Variants in TCF4 observed in about 807,000 individuals in gnomAD.
The protein encoded by TCF4 is transcription factor 4.
A neutral mutation model predicts 82.1 loss-of-function variants in TCF4; 3 were observed. That is an observed-to-expected ratio of 0.04 (90% CI 0.02 to 0.09). The LOEUF (loss-of-function observed/expected upper bound fraction) is 0.09. TCF4 is among the 10% of genes least tolerant of loss of function. The pLI is 1.00. For synonymous variants in TCF4, 276 were observed against 309.6 expected, an observed-to-expected ratio of 0.89 and a Z score of 1.14; for missense variants, 518 against 852.7, an observed-to-expected ratio of 0.61 and a Z score of 4.89.
At chr18:55,411,793 C>A (rs1474480350) in intron 5 of TCF4, among the ~76,000 whole-genome samples, 1 of 152,122 alleles carries the variant, frequency 6.6e-6, no homozygotes. Flanking sequence ...GGCTGGAGTA[C>A]AGTGGCATGC....
At chr18:55,428,134 A>C (rs1269604142) in intron 5 of TCF4, among the ~76,000 whole-genome samples, 1 of 152,144 alleles carries the variant, frequency 6.6e-6, no homozygotes, top group Admixed American at 6.5e-5. Context: ...AGTGACCACT[A>C]AAGTGGTTAA....
At chr18:55,447,988 T>A (rs183201420) in intron 5 of TCF4, among the ~76,000 whole-genome samples, 55 of 118,350 alleles carry the variant, frequency 4.6e-4, no homozygotes, top group Middle Eastern at 0.011. Flanking sequence ...ACCCTATTGT[T>A]TTGTGGGGGG....
intron 15 of TCF4, among the ~76,000 whole-genome samples, chr18:55,236,660 G>GC (rs1327922095): frequency 4.6e-5 from 7 of 152,192 alleles, no homozygotes; most frequent in African/African-American, 1.7e-4. Flanking sequence ...TTATATTCAT[G>GC]CATTAGAAAA....
At chr18:55,398,266 C>T (rs768254640) in intron 6 of TCF4, among the ~76,000 whole-genome samples, 9 of 152,276 alleles carry the variant, frequency 5.9e-5, no homozygotes, top group East Asian at 5.8e-4. Context: ...CGAAAAATAC[C>T]GCTCAGGGAC....
chr18:55,321,431 TA>T, intron 8 of TCF4: 1 of 624,736 alleles, frequency 1.6e-6, no homozygotes. Flanking sequence ...ATCCACTCTC[TA>T]AAGCTCTGAA....
At chr18:55,265,795 A>G (rs2059037981) in intron 11 of TCF4, 1 of 152,214 alleles carries the variant, frequency 6.6e-6, no homozygotes, top group Non-Finnish European at 1.5e-5. Flanking sequence ...GTTCTAAGCC[A>G]GATTAATTCA....
At chr18:55,530,794 AC>A (rs1251942066) in intron 3 of TCF4, among the ~76,000 whole-genome samples, 1 of 152,192 alleles carries the variant, frequency 6.6e-6, no homozygotes, top group African/African-American at 2.4e-5. Flanking sequence ...AGAAATTATA[AC>A]TAATAAAAAC....
intron 3 of TCF4, among the ~76,000 whole-genome samples, chr18:55,560,229 A>T (rs988381417): frequency 3.5e-4 from 53 of 152,238 alleles, no homozygotes; most frequent in African/African-American, 1.3e-3. Flanking sequence ...ATACATGGAC[A>T]TATATGCAGT....
intron 5 of TCF4, among the ~76,000 whole-genome samples, chr18:55,449,031 G>C (rs1358594821): frequency 6.6e-6 from 1 of 152,142 alleles, no homozygotes; most frequent in African/African-American, 2.4e-5. Flanking sequence ...TGTCTATTTA[G>C]AACTGTTTTA....
At chr18:55,270,145 C>T (rs1200937733) in intron 10 of TCF4, among the ~76,000 whole-genome samples, 182 bp from the exon 11 acceptor site, 3 of 152,088 alleles carry the variant, frequency 2.0e-5, no homozygotes, top group South Asian at 2.1e-4. Context: ...ATAAGTTATA[C>T]AGAAACATAG....
intron 5 of TCF4, among the ~76,000 whole-genome samples, chr18:55,445,032 AT>A (rs2095501813): frequency 1.3e-5 from 2 of 151,988 alleles, no homozygotes; most frequent in South Asian, 4.1e-4. Context: ...CAATCTCATC[AT>A]TTCCTCTTGG....
chr18:55,377,175 T>C (rs2090973502), intron 6 of TCF4, among the ~76,000 whole-genome samples: 3 of 152,336 alleles, frequency 2.0e-5, no homozygotes, highest in South Asian at 2.1e-4. Flanking sequence ...CTTGATGAGC[T>C]TGATGAGGTA....
Position 55,516,028 on chromosome 18 carries a change from G to T in TCF4, c.146-51891C>A, listed in dbSNP as rs183058418. Among the ~76,000 whole-genome samples the T allele has an allele frequency of 1.1e-4, 17 of 152,246 alleles. No individual in the cohort carries two copies. In the East Asian group the frequency reaches 3.3e-3, roughly 29 times the overall value. Reference sequence around the variant, plus strand: ...ATAGACTTGATTAAAAAGTCAGATTGGGTTTAAAAGAAGTTTCCAGAAAAT... The same window carrying T: ...ATAGACTTGATTAAAAAGTCAGATTTGGTTTAAAAGAAGTTTCCAGAAAAT... On this transcript the variant is annotated intron_variant, in intron 3 of 19. Coordinates refer to ENST00000354452, the MANE Select transcript of TCF4 (RefSeq NM_001083962.2).
At chr18:55,453,967 G>A (rs894543341) in intron 5 of TCF4, among the ~76,000 whole-genome samples, 1 of 151,944 alleles carries the variant, frequency 6.6e-6, no homozygotes, top group Non-Finnish European at 1.5e-5. Context: ...GCCTCCAGTA[G>A]TCCTTCCACC....
At chr18:55,487,665 T>C (rs761717427) in intron 3 of TCF4, among the ~76,000 whole-genome samples, 27 of 152,172 alleles carry the variant, frequency 1.8e-4, no homozygotes, top group African/African-American at 2.4e-4. Context: ...GATTCCATTG[T>C]ATGCTTTATT....
chr18:55,425,705 T>C (rs2147053199), intron 5 of TCF4, among the ~76,000 whole-genome samples: 1 of 152,318 alleles, frequency 6.6e-6, no homozygotes, highest in East Asian at 1.9e-4. Context: ...CTCTTTCAAA[T>C]TAAATTTCCA....
intron 5 of TCF4, among the ~76,000 whole-genome samples, chr18:55,445,732 C>T (rs2095514624): frequency 6.6e-6 from 1 of 152,142 alleles, no homozygotes; most frequent in Non-Finnish European, 1.5e-5. Flanking sequence ...GACTTCAGTT[C>T]CAGTATTCCT....
At chr18:55,543,842 C>G (rs2097183936) in intron 3 of TCF4, among the ~76,000 whole-genome samples, 1 of 152,076 alleles carries the variant, frequency 6.6e-6, no homozygotes, top group African/African-American at 2.4e-5. Context: ...CTTTCATGAA[C>G]TGAAAAACAG....
intron 15 of TCF4, among the ~76,000 whole-genome samples, chr18:55,241,900 G>A (rs527379283): frequency 3.3e-5 from 5 of 152,174 alleles, no homozygotes; most frequent in South Asian, 2.1e-4. Context: ...CAGTCTAAGA[G>A]GTCCACCTTG....
Sources: gnomAD v4.1 joint callset for allele counts (sites outside exome capture counted in the v4.1 genomes callset) on GRCh38, gnomAD v4.1.1 for gene constraint, MANE v1.5 for transcripts, NCBI Gene and HGNC (gene_info 2026-07-23, HGNC 2026-07-21) for gene names.